Variants in RAPGEF2 observed in about 807,000 individuals in gnomAD.
RAPGEF2 encodes PDZ domain containing guanine nucleotide exchange factor (GEF) 1.
RAPGEF2 carries 54 observed loss-of-function variants against 186.7 expected under a neutral mutation model. The observed-to-expected ratio is 0.29, with a 90% CI of 0.23 to 0.36. The LOEUF (loss-of-function observed/expected upper bound fraction) is 0.36. Ranked by LOEUF, RAPGEF2 falls within the 10% of genes least tolerant of loss-of-function variation. The pLI, the probability that RAPGEF2 is intolerant of heterozygous loss-of-function variation, is 1.00. For synonymous variants in RAPGEF2, 712 were observed against 705.9 expected, an observed-to-expected ratio of 1.01 and a Z score of -0.14; for missense variants, 1,532 against 2,045.0, an observed-to-expected ratio of 0.75 and a Z score of 4.84.
intron 1 of RAPGEF2, among the ~76,000 whole-genome samples, chr4:159,123,525 A>T (rs1457977330): frequency 6.7e-6 from 1 of 149,454 alleles, no homozygotes; most frequent in Non-Finnish European, 1.5e-5. Context: ...TGTGGGTGGG[A>T]TATGGATTTT....
intron 1 of RAPGEF2, among the ~76,000 whole-genome samples, chr4:159,143,582 A>T (rs992150692): frequency 2.6e-5 from 4 of 152,176 alleles, no homozygotes; most frequent in Non-Finnish European, 5.9e-5. Context: ...GTTTATTTTG[A>T]CTGAGAACTT....
intron 3 of RAPGEF2, among the ~76,000 whole-genome samples, chr4:159,197,943 A>G (rs997568957): frequency 6.6e-6 from 1 of 152,114 alleles, no homozygotes; most frequent in East Asian, 1.9e-4. Flanking sequence ...TTCTGTTCTC[A>G]TTTGTATCTT....
At chr4:159,184,729 A>G (rs994477989) in intron 1 of RAPGEF2, among the ~76,000 whole-genome samples, 11 of 152,188 alleles carry the variant, frequency 7.2e-5, no homozygotes, top group Non-Finnish European at 1.2e-4. Context: ...TTTGCTGTGC[A>G]GAAGCTCTTT....
intron 1 of RAPGEF2, among the ~76,000 whole-genome samples, chr4:159,115,476 G>A (rs1295189226): frequency 2.0e-5 from 3 of 152,056 alleles, no homozygotes; most frequent in African/African-American, 7.2e-5. Flanking sequence ...ACATACAGGT[G>A]TGGACTAAAC....
intron 8 of RAPGEF2, among the ~76,000 whole-genome samples, chr4:159,307,468 CAATG>C (rs1763441870): frequency 6.6e-6 from 1 of 152,076 alleles, no homozygotes; most frequent in Non-Finnish European, 1.5e-5. Flanking sequence ...TTGTGTAAAA[CAATG>C]AACAGTATAC....
Position 159,353,988 on chromosome 4 carries a change from G to A in RAPGEF2, c.4593G>A (p.Lys1531=), listed in dbSNP as rs1293974925. The change falls in exon 28 of 30, where the codon AAG becomes AAA. Residue 1531 remains lysine (K), a synonymous_variant. Coordinates refer to ENST00000691494, the MANE Select transcript of RAPGEF2 (RefSeq NM_001394067.2). This position sits in a 1 kb window ranked among gnomAD's most constrained non-coding sequence, Gnocchi z 4.3. The part of the protein sequence containing the change: ...SLTSVTTEET[K]PVPMPAHIAV... The stretch of plus-strand genomic sequence containing the variant: ...CGTCTGTGACTACGGAAGAAACCAA[G>A]CCTGTCCCCATGCCTGCCCACATAG... 6 of 1,612,770 alleles carry A rather than the reference G, an allele frequency of 3.7e-6. No individual in the cohort carries two copies. The highest frequency in any genetic ancestry group is 5.1e-6 in the Non-Finnish European group (6 of 1,179,658).
At chr4:159,210,831 C>A (rs577389765) in intron 4 of RAPGEF2, among the ~76,000 whole-genome samples, 23 of 152,254 alleles carry the variant, frequency 1.5e-4, no homozygotes, top group Admixed American at 3.9e-4. Flanking sequence ...ATGATCATGT[C>A]AGCTGTGTTG....
chr4:159,106,374 G>A (rs1281988696), intron 1 of RAPGEF2, among the ~76,000 whole-genome samples: 2 of 151,906 alleles, frequency 1.3e-5, no homozygotes, highest in African/African-American at 4.8e-5. Flanking sequence ...GACTGGCCAG[G>A]AGTAATCTTA....
At chr4:159,312,114 C>A (rs1764016643) in intron 8 of RAPGEF2, among the ~76,000 whole-genome samples, 1 of 151,972 alleles carries the variant, frequency 6.6e-6, no homozygotes, top group Admixed American at 6.6e-5. Flanking sequence ...ATAATTATTT[C>A]TTTGGGATGG....
chr4:159,313,263 TA>T (rs1764165220), intron 8 of RAPGEF2, among the ~76,000 whole-genome samples: 2 of 152,242 alleles, frequency 1.3e-5, no homozygotes, highest in Non-Finnish European at 2.9e-5. Flanking sequence ...AGTGAATGTT[TA>T]AAAAGAGACA....
chr4:159,210,651 A>G (rs1249342913), intron 4 of RAPGEF2, 68 bp downstream of exon 4: 20 of 1,257,576 alleles, frequency 1.6e-5, no homozygotes, highest in Non-Finnish European at 1.9e-5. Context: ...ATTCAGTTCT[A>G]AAATTCTTTT....
chr4:159,306,905 C>T (rs1028107767), intron 8 of RAPGEF2, among the ~76,000 whole-genome samples: 2 of 150,524 alleles, frequency 1.3e-5, no homozygotes, highest in Non-Finnish European at 3.0e-5. Flanking sequence ...TTTTATGATA[C>T]TGAAGGATAG....
At chr4:159,225,030 C>T (rs1199512107) in intron 4 of RAPGEF2, among the ~76,000 whole-genome samples, 1 of 152,070 alleles carries the variant, frequency 6.6e-6, no homozygotes, top group Non-Finnish European at 1.5e-5. Context: ...AATGAAGATA[C>T]TTGATTTTAG....
chr4:159,351,301 AC>A, intron 26 of RAPGEF2: 4 of 1,188,876 alleles, frequency 3.4e-6, no homozygotes, highest in Non-Finnish European at 4.5e-6. Context: ...TTTTTCTGAA[AC>A]TTTTTTTTTT....
At chr4:159,266,598 G>C (rs1345716379) in intron 7 of RAPGEF2, among the ~76,000 whole-genome samples, 1 of 152,008 alleles carries the variant, frequency 6.6e-6, no homozygotes, top group Non-Finnish European at 1.5e-5. Context: ...ACCTGGGTAG[G>C]TTAATTTTTT....
At chr4:159,323,697 C>A in intron 11 of RAPGEF2, 80 bp downstream of exon 11, 2 of 877,812 alleles carry the variant, frequency 2.3e-6, no homozygotes, top group Non-Finnish European at 3.1e-6. Context: ...GATTTTTCTC[C>A]CTATATAAAT....
chr4:159,304,435 A>T lies in RAPGEF2; in HGVS notation c.637A>T (p.Ser213Cys). 6.2e-7 allele frequency: 1 copy of T among 1,604,372 alleles called. No individual in the cohort carries two copies. The highest frequency in any genetic ancestry group is 8.5e-7 in the Non-Finnish European group (1 of 1,171,532). ...TAGCCATTCAGGATGTAGTATCACT[A>T]GTGATTCTGGGAGCAGCAGTCTTTC... ...SSSHSGCSIT[S>C]DSGSSSLSDI... Residue 213 changes from serine to cysteine, a missense_variant, in exon 8 of 30, where the codon AGT becomes TGT. Ser to Cys is a moderately radical substitution (Grantham distance 112). Transcript: ENST00000691494.
intron 4 of RAPGEF2, among the ~76,000 whole-genome samples, chr4:159,215,856 C>G (rs1247961722): frequency 6.6e-6 from 1 of 152,134 alleles, no homozygotes. Context: ...GTAATTAAGG[C>G]TGGAAACCGG....
intron 7 of RAPGEF2, among the ~76,000 whole-genome samples, chr4:159,266,274 A>G (rs186800363): frequency 1.5e-3 from 224 of 151,608 alleles, no homozygotes; most frequent in African/African-American, 5.0e-3. Context: ...AGGAAAGAGA[A>G]TAGGGTGGGT....
Sources: allele counts gnomAD v4.1 joint callset (sites outside exome capture counted in the v4.1 genomes callset), GRCh38; gene constraint gnomAD v4.1.1; non-coding constraint Gnocchi (gnomAD v3.1); transcripts MANE v1.5; gene names NCBI Gene and HGNC (gene_info 2026-07-23, HGNC 2026-07-21).